CTBP2: variants seen among roughly 807,000 people sequenced by gnomAD.
CTBP2 encodes C-terminal binding protein 2.
In CTBP2, 30 loss-of-function variants were observed where a neutral mutation model predicts 80.3. The ratio of observed to expected loss-of-function variants is 0.37; its 90% CI spans 0.28 to 0.51. CTBP2 has a LOEUF of 0.51. CTBP2 is among the 20% of genes least tolerant of loss of function. The probability of loss-of-function intolerance (pLI) is 0.93; values close to 1 mark genes in which losing one functional copy is unlikely to be tolerated. For synonymous variants in CTBP2, 594 were observed against 587.4 expected (o/e 1.01, Z -0.16); for missense variants, 1,212 against 1,375.3 (o/e 0.88, Z 1.88).
intron 1 of CTBP2, among the ~76,000 whole-genome samples, chr10:125,013,468 G>A (rs1956147257): frequency 6.6e-6 from 1 of 152,160 alleles, no homozygotes; most frequent in South Asian, 2.1e-4. Context: ...CTTTATTGCA[G>A]CAATAAAATC....
At position 125,091,273 on chromosome 10, in the gene CTBP2, C is replaced by T. The variant is rs78485434; in HGVS notation, c.-102+19717G>A. On this transcript the variant is annotated intron_variant, in intron 2 of 10. Transcript: ENST00000337195. Reference sequence around the variant, plus strand: ...AATGCAGGAGTAACAGGACTCCTTTCGGTAAGCCAACACAGACACCCTCCG... The same window carrying T: ...AATGCAGGAGTAACAGGACTCCTTTTGGTAAGCCAACACAGACACCCTCCG... Among the ~76,000 whole-genome samples the T allele has an allele frequency of 1.4e-4, 21 of 152,282 alleles. No individual in the cohort carries two copies. In the East Asian group the frequency reaches 2.1e-3, roughly 15 times the overall value.
chr10:125,102,230 A>G (rs1313166213), intron 2 of CTBP2, among the ~76,000 whole-genome samples: 1 of 152,330 alleles, frequency 6.6e-6, no homozygotes, highest in East Asian at 1.9e-4. Flanking sequence ...AGTTGTAAAC[A>G]TTTTTTGGCC....
chr10:125,100,935 C>T (rs1423377621), intron 2 of CTBP2, among the ~76,000 whole-genome samples: 1 of 152,216 alleles, frequency 6.6e-6, no homozygotes, highest in African/African-American at 2.4e-5. Context: ...GTTATTACTA[C>T]TATTTTTACT....
intron 1 of CTBP2, among the ~76,000 whole-genome samples, chr10:125,141,278 C>T (rs1253023069): frequency 1.3e-5 from 2 of 152,198 alleles, no homozygotes; most frequent in African/African-American, 4.8e-5. Flanking sequence ...AAGTCTCCAG[C>T]GCCTTCTCAT....
intron 2 of CTBP2, among the ~76,000 whole-genome samples, chr10:125,064,141 CAGTT>C (rs1201168362): frequency 2.0e-5 from 3 of 152,130 alleles, no homozygotes; most frequent in African/African-American, 7.2e-5. Flanking sequence ...GTGTGGAAGA[CAGTT>C]AGATGGTGAA....
chr10:125,140,434 C>T (rs1220127592), intron 1 of CTBP2, among the ~76,000 whole-genome samples: 1 of 152,104 alleles, frequency 6.6e-6, no homozygotes, highest in Non-Finnish European at 1.5e-5. Flanking sequence ...AAGGACATTT[C>T]GGGCAACGAC....
chr10:124,989,857 C>T (rs1339029144), intron 8 of CTBP2, among the ~76,000 whole-genome samples, 159 bp from the exon 11 acceptor site: 1 of 152,070 alleles, frequency 6.6e-6, no homozygotes, highest in Non-Finnish European at 1.5e-5. Context: ...CCACCTCAGA[C>T]ACCCAAGTAG....
At chr10:125,117,804 A>C (rs899409481) in intron 1 of CTBP2, among the ~76,000 whole-genome samples, 3 of 152,244 alleles carry the variant, frequency 2.0e-5, no homozygotes, top group Admixed American at 2.0e-4. Flanking sequence ...AGGAAAAAAC[A>C]ACAACCCCGA....
intron 2 of CTBP2, among the ~76,000 whole-genome samples, chr10:125,040,209 G>A (rs928857565): frequency 7.9e-5 from 12 of 152,094 alleles, no homozygotes; most frequent in Non-Finnish European, 1.6e-4. Context: ...AAGCCCAGAA[G>A]TTTGGGAGGC....
upstream of CTBP2, among the ~76,000 whole-genome samples, chr10:125,161,420 C>T (rs538486457): frequency 9.2e-5 from 14 of 152,190 alleles, no homozygotes; most frequent in East Asian, 2.7e-3. Context: ...GAACGCGAGC[C>T]CCGGGTGGCC....
intron 2 of CTBP2, among the ~76,000 whole-genome samples, chr10:125,052,527 T>C (rs1239025516): frequency 6.6e-6 from 1 of 152,236 alleles, no homozygotes; most frequent in Admixed American, 6.5e-5. Context: ...TGCCTTTGTG[T>C]TGTCTGTGTT....
intron 2 of CTBP2, among the ~76,000 whole-genome samples, chr10:125,072,570 T>A (rs1459966927): frequency 7.3e-6 from 1 of 136,252 alleles, no homozygotes; most frequent in East Asian, 2.2e-4. Context: ...GAGCCAGGAT[T>A]GCACCACTGC....
chr10:125,002,341 C>G (rs997392547), intron 3 of CTBP2, among the ~76,000 whole-genome samples: 7 of 152,218 alleles, frequency 4.6e-5, no homozygotes, highest in African/African-American at 1.7e-4. Flanking sequence ...TCAACATGCA[C>G]CCCCAGCCGC....
At chr10:125,002,464 C>G (rs183221240) in intron 3 of CTBP2, among the ~76,000 whole-genome samples, 1 of 152,370 alleles carries the variant, frequency 6.6e-6, no homozygotes, top group Admixed American at 6.5e-5. Context: ...AGGGGCCCAC[C>G]TGCTTTGGTG....
chr10:124,995,196 C>T (rs115336872), intron 4 of CTBP2, among the ~76,000 whole-genome samples: 2,386 of 152,278 alleles, frequency 0.016, 55 homozygotes, highest in African/African-American at 0.055. Context: ...CAGGCTGGCC[C>T]GAGTGCAGAC....
Position 125,051,286 on chromosome 10 carries a change from T to C in CTBP2, c.-101-12131A>G, listed in dbSNP as rs180819013. 2.6e-5 allele frequency among the ~76,000 whole-genome samples: 4 copies of C among 152,304 alleles called. No homozygotes were observed. In the East Asian group the frequency reaches 7.7e-4, roughly 29 times the overall value. On this transcript the variant is annotated intron_variant, in intron 2 of 10. Coordinates refer to the CTBP2 transcript ENST00000337195. ...CCCACTCCTCATGTACTTCCTGCCA[T>C]AGTCATCCAAGCCTGAACATTTATG...
intron 1 of CTBP2, among the ~76,000 whole-genome samples, chr10:125,120,872 A>G (rs1017974725): frequency 6.6e-6 from 1 of 152,190 alleles, no homozygotes; most frequent in Non-Finnish European, 1.5e-5. Context: ...AATGGACTAC[A>G]TGTGCAATAC....
intron 1 of CTBP2, among the ~76,000 whole-genome samples, chr10:125,159,449 C>A (rs1471070259): frequency 6.9e-6 from 1 of 145,840 alleles, no homozygotes; most frequent in Non-Finnish European, 1.5e-5. Flanking sequence ...CCGCCCAGGC[C>A]CCCCGCCCCG....
intron 1 of CTBP2, among the ~76,000 whole-genome samples, chr10:125,139,026 C>T (rs770492827): frequency 1.3e-5 from 2 of 152,110 alleles, no homozygotes; most frequent in Non-Finnish European, 2.9e-5. Context: ...ATGCATCTAC[C>T]AAATACATCT....
Sources: gnomAD v4.1 joint callset for allele counts (sites outside exome capture counted in the v4.1 genomes callset) on GRCh38, gnomAD v4.1.1 for gene constraint, MANE v1.5 for transcripts, NCBI Gene and HGNC (gene_info 2026-07-23, HGNC 2026-07-21) for gene names.